The following ZFYVE19 variants were observed in gnomAD, a reference collection of about 807,000 sequenced individuals.
ZFYVE19 encodes zinc finger FYVE-type containing 19.
A neutral mutation model predicts 62.8 loss-of-function variants in ZFYVE19; 49 were observed. The ratio of observed to expected loss-of-function variants is 0.78; its 90% CI spans 0.62 to 0.99. The LOEUF (loss-of-function observed/expected upper bound fraction) is 0.99. Ranked by LOEUF, ZFYVE19 falls within the 50% of genes least tolerant of loss-of-function variation. ZFYVE19 has a pLI of 0.00. For missense variants in ZFYVE19, 630 were observed against 601.9 expected (o/e 1.05, Z -0.49); for synonymous variants, 242 against 234.3 (o/e 1.03, Z -0.30).
Position 40,814,262 on chromosome 15 carries a change from G to A in ZFYVE19, c.*36G>A. 1 of 1,611,440 alleles carries A rather than the reference G, an allele frequency of 6.2e-7. No individual in the cohort carries two copies. Among genetic ancestry groups the A allele is most frequent in the South Asian group, 1.1e-5 (1 of 90,900 alleles). ...GTCCTCCCGGAAGGGCAGTCCCACA[G>A]GCAGCGGCACCCATTTCTGGGCCCA... On this transcript the variant is annotated 3_prime_UTR_variant, in exon 11 of 11. Coordinates refer to ENST00000355341, the MANE Select transcript of ZFYVE19 (RefSeq NM_001077268.2).
chr15:40,813,210 G>A, intron 7 of ZFYVE19, 128 bp from the exon 8 acceptor site: 1 of 878,228 alleles, frequency 1.1e-6, no homozygotes, highest in East Asian at 2.7e-5. Flanking sequence ...TGGCTGAAGA[G>A]GCTTCTCAGC....
chr15:40,808,525 T>C lies in ZFYVE19; in HGVS notation c.280-594T>C, dbSNP rs1291655275. Reference sequence around the variant, plus strand: ...GTCAGCGTTCAAATCTGAGCTCTGCTGTCTTATTGAGGCGGTGACCTTGGT... The same window carrying C: ...GTCAGCGTTCAAATCTGAGCTCTGCCGTCTTATTGAGGCGGTGACCTTGGT... On this transcript the variant is annotated intron_variant, in intron 1 of 10. Coordinates refer to ENST00000355341, the MANE Select transcript of ZFYVE19 (RefSeq NM_001077268.2). 6.5e-6 allele frequency: 8 copies of C among 1,232,848 alleles called. No individual in the cohort carries two copies. The East Asian group carries it at 2.1e-4, about 33-fold the overall frequency. The allele number at this position is 1,232,848 out of a possible 1,614,324, so 76.4% of individuals were successfully genotyped here. A position where few individuals can be genotyped will look rare whatever the true frequency, so the allele number is the denominator to read the frequency against.
rs1890411088 is a variant in ZFYVE19 at position 40,809,545 on chromosome 15, A to C, written c.452+87A>C. 16 of 1,490,414 alleles carry C rather than the reference A, an allele frequency of 1.1e-5. No homozygotes were observed. In the South Asian group the frequency reaches 1.9e-4, roughly 17 times the overall value. 92.3% of individuals were successfully genotyped at this position (1,490,414 alleles called of 1,614,324 possible). ...AGACCCTGCCCCCATCTTCTAGATA[A>C]AATGAGCACAGAATCAGGAGAATTC... is the stretch of plus-strand genomic sequence containing the variant. On this transcript the variant is annotated intron_variant, in intron 3 of 10. Coordinates refer to ENST00000355341, the MANE Select transcript of ZFYVE19 (RefSeq NM_001077268.2).
chr15:40,813,665 G>A (rs773340685), intron 8 of ZFYVE19, 48 bp from the exon 9 acceptor site: 12 of 1,529,832 alleles, frequency 7.8e-6, no homozygotes, highest in Non-Finnish European at 1.1e-5. Context: ...GGAGATGGAG[G>A]GCCTGGGCCT....
chr15:40,811,514 A>G (rs1383291894), intron 6 of ZFYVE19, among the ~76,000 whole-genome samples: 3 of 152,236 alleles, frequency 2.0e-5, no homozygotes, highest in Admixed American at 6.5e-5. Context: ...TACCCGGTCC[A>G]AAGTGTCAAG....
At position 40,813,830 on chromosome 15, in the gene ZFYVE19, G is replaced by A. The variant is rs766865870; in HGVS notation, c.1209+19G>A. The A allele has an allele frequency of 8.7e-6, 14 of 1,609,672 alleles. No homozygotes were observed. In the South Asian group the frequency reaches 1.5e-4, roughly 18 times the overall value. On this transcript the variant is annotated intron_variant, in intron 9 of 10. Coordinates refer to ENST00000355341, the MANE Select transcript of ZFYVE19 (RefSeq NM_001077268.2). ...GCCTGAGGTGAGAAAAGCCCCAGAT[G>A]CAGACCCCCAGGCTCCCCCCAGCCT...
At position 40,811,206 on chromosome 15, in the gene ZFYVE19, A is replaced by G. The variant is rs1890477694; in HGVS notation, c.826+449A>G. The G allele has an allele frequency of 1.8e-5, 4 of 224,182 alleles. No homozygotes were observed. The South Asian group carries it at 2.7e-4, about 15-fold the overall frequency. The allele number at this position is 224,182 out of a possible 1,614,324, so 13.9% of individuals were successfully genotyped here. ...AAGAAGCTATTTAGTAAAACCAGCC[A>G]CATCTCAATGCTCAGTAGCCATATG... On this transcript the variant is annotated intron_variant, in intron 6 of 10. Coordinates refer to ENST00000355341, the MANE Select transcript of ZFYVE19 (RefSeq NM_001077268.2).
rs1019832088 is a variant in ZFYVE19 at position 40,810,840 on chromosome 15, G to A, written c.826+83G>A. On this transcript the variant is annotated intron_variant, in intron 6 of 10. Transcript: ENST00000355341. ...AGGCTCTGCTGTCCACCCTCTGGGA[G>A]ATGAATATAAATCGGAGAGTGATCA... 7 of 1,499,362 alleles carry A rather than the reference G, an allele frequency of 4.7e-6. No individual in the cohort carries two copies. The African/African-American group carries it at 8.4e-5, about 18-fold the overall frequency. The allele number at this position is 1,499,362 out of a possible 1,614,324, so 92.9% of individuals were successfully genotyped here.
Position 40,807,135 on chromosome 15 carries a change from G to A in ZFYVE19, c.-455G>A. ...CGGCCTCTAGGAGACAGGGGCCACG[G>A]GGAGAGCACAGCCACCCGGCGCGAA... On this transcript the variant is annotated 5_prime_UTR_variant, in exon 1 of 11. Coordinates refer to ENST00000355341, the MANE Select transcript of ZFYVE19 (RefSeq NM_001077268.2). 9.5e-7 allele frequency: 1 copy of A among 1,051,840 alleles called. No homozygotes were observed. The highest frequency in any genetic ancestry group is 1.3e-6 in the Non-Finnish European group (1 of 748,740). The allele number at this position is 1,051,840 out of a possible 1,614,324, so 65.2% of individuals were successfully genotyped here. A position where few individuals can be genotyped will look rare whatever the true frequency, so the allele number is the denominator to read the frequency against.
chr15:40,809,363 C>G (rs764201172), intron 2 of ZFYVE19, 45 bp from the exon 3 acceptor site: 2 of 1,613,888 alleles, frequency 1.2e-6, no homozygotes, highest in East Asian at 2.2e-5. Flanking sequence ...GGGGCACTGC[C>G]TGGTGGGATG....
intron 3 of ZFYVE19, 42 bp downstream of exon 3, chr15:40,809,500 G>A (rs1038356782): frequency 6.2e-7 from 1 of 1,608,674 alleles, no homozygotes; most frequent in Admixed American, 1.7e-5. Context: ...TTGGGGAAAG[G>A]ATAAGGGAGC....
At chr15:40,809,831 C>T (rs201005858) in intron 3 of ZFYVE19, 21 bp from the exon 4 acceptor site, 1 of 1,612,392 alleles carries the variant, frequency 6.2e-7, no homozygotes, top group East Asian at 2.2e-5. Context: ...CTTCAAGAGC[C>T]TCTATCTCAT....
At chr15:40,813,499 G>A (rs968549158) in intron 8 of ZFYVE19, 82 bp downstream of exon 8, 8 of 1,434,478 alleles carry the variant, frequency 5.6e-6, no homozygotes, top group Non-Finnish European at 7.7e-6. Context: ...TGGGTGGACA[G>A]TAACTGTGAA....
chr15:40,809,591 T>C, intron 3 of ZFYVE19, 133 bp downstream of exon 3: 4 of 1,193,632 alleles, frequency 3.4e-6, no homozygotes, highest in Non-Finnish European at 4.8e-6. Flanking sequence ...GGCTCCTGAC[T>C]GCCCTCTTGG....
chr15:40,813,181 C>A, intron 7 of ZFYVE19, 157 bp from the exon 8 acceptor site: 1 of 715,716 alleles, frequency 1.4e-6, no homozygotes, highest in Non-Finnish European at 2.3e-6. Flanking sequence ...CTGGGGCAGG[C>A]AGGGACAGGT....
At chr15:40,813,593 A>G in intron 8 of ZFYVE19, 120 bp from the exon 9 acceptor site, 1 of 1,169,912 alleles carries the variant, frequency 8.5e-7, no homozygotes, top group Non-Finnish European at 1.2e-6. Context: ...CAGCAGCCAC[A>G]GGCCACAAGT....
chr15:40,814,740 CAT>C lies in ZFYVE19; in HGVS notation c.*515_*516del, dbSNP rs1890616444. The C allele has an allele frequency of 5.9e-6, 1 of 170,866 alleles. No homozygotes were observed. The highest frequency in any genetic ancestry group is 1.3e-5 in the Non-Finnish European group (1 of 78,394). The allele number at this position is 170,866 out of a possible 1,614,324, so 10.6% of individuals were successfully genotyped here. ...TCCTGGTGGCCTCATACGAAGTAAA[CAT>C]GTATTCATTCAACTCAACTGTGCTC... On this transcript the variant is annotated 3_prime_UTR_variant, in exon 11 of 11. Coordinates refer to ENST00000355341, the MANE Select transcript of ZFYVE19 (RefSeq NM_001077268.2).
At chr15:40,808,834 C>G in intron 1 of ZFYVE19, 1 of 364,332 alleles carries the variant, frequency 2.7e-6, no homozygotes, top group East Asian at 5.8e-5. Context: ...GCCTGAAATA[C>G]TGGGCTTTAT....
At position 40,807,258 on chromosome 15, in the gene ZFYVE19, C is replaced by T; in HGVS notation, c.-332C>T. ...GGGCATAGCGCCGACCCTCGCTCCC[C>T]GCCCAGGACCCGAATGAACCTGGAG... On this transcript the variant is annotated 5_prime_UTR_variant, in exon 1 of 11. Coordinates refer to ENST00000355341, the MANE Select transcript of ZFYVE19 (RefSeq NM_001077268.2). 6.3e-7 allele frequency: 1 copy of T among 1,594,254 alleles called. No individual in the cohort carries two copies. Among genetic ancestry groups the T allele is most frequent in the South Asian group, 1.1e-5 (1 of 89,100 alleles).
Sources: allele counts gnomAD v4.1 joint callset (sites outside exome capture counted in the v4.1 genomes callset), GRCh38; gene constraint gnomAD v4.1.1; transcripts MANE v1.5; gene names NCBI Gene and HGNC (gene_info 2026-07-23, HGNC 2026-07-21).